Variants in ITGA2 observed in about 807,000 individuals in gnomAD.
The protein encoded by ITGA2 is integrin alpha-2.
A neutral mutation model predicts 146.3 loss-of-function variants in ITGA2; 101 were observed. The observed-to-expected ratio is 0.69, with a 90% CI of 0.59 to 0.81. ITGA2 has a LOEUF of 0.81. Among genes scored for constraint, ITGA2 ranks in the 40% least tolerant of loss-of-function variants. The pLI is 0.00. For synonymous variants in ITGA2, 477 were observed against 487.1 expected, an observed-to-expected ratio of 0.98 and a Z score of 0.27; for missense variants, 1,281 against 1,402.7, an observed-to-expected ratio of 0.91 and a Z score of 1.39.
intron 10 of ITGA2, 104 bp downstream of exon 10, chr5:53,058,205 C>T: frequency 1.2e-6 from 1 of 835,334 alleles, no homozygotes; most frequent in East Asian, 2.6e-5. Flanking sequence ...TAGGGATCAG[C>T]CCTTCTGATT....
intron 28 of ITGA2, among the ~76,000 whole-genome samples, chr5:53,087,371 C>T (rs1319717063): frequency 6.6e-6 from 1 of 152,168 alleles, no homozygotes; most frequent in East Asian, 1.9e-4. Flanking sequence ...GCCAGCAGCA[C>T]CAGTTCTTCC....
At chr5:53,057,055 A>C (rs1744672537) in intron 9 of ITGA2, among the ~76,000 whole-genome samples, 1 of 151,900 alleles carries the variant, frequency 6.6e-6, no homozygotes, top group Non-Finnish European at 1.5e-5. Context: ...ATGGTGCTTC[A>C]AAGTTGTTTA....
intron 1 of ITGA2, among the ~76,000 whole-genome samples, chr5:53,002,805 C>T (rs1741649186): frequency 6.6e-6 from 1 of 152,092 alleles, no homozygotes; most frequent in Admixed American, 6.6e-5. Flanking sequence ...TGGAATTTAC[C>T]AATTTCATCA....
At chr5:52,990,356 A>C (rs1274771954) in intron 1 of ITGA2, 1 of 152,330 alleles carries the variant, frequency 6.6e-6, no homozygotes. Context: ...GTTCTTTTAC[A>C]CTAAGAGGAG....
rs1180532950 is a variant in ITGA2 at position 53,094,489 on chromosome 5, GA to G, written c.*3891del. On this transcript the variant is annotated 3_prime_UTR_variant, in exon 30 of 30. Coordinates refer to ENST00000296585, the MANE Select transcript of ITGA2 (RefSeq NM_002203.4). ...TGGATATTTTCCTTTATACATAATAGATAAGTCTTTTTTCAAATGTGGTGTT... is the reference window on the plus strand; with the variant it reads ...TGGATATTTTCCTTTATACATAATAGTAAGTCTTTTTTCAAATGTGGTGTT... 3.9e-5 allele frequency: 6 copies of G among 152,014 alleles called. No individual in the cohort carries two copies. The highest frequency in any genetic ancestry group is 5.9e-5 in the Non-Finnish European group (4 of 67,952). 9.4% of individuals were successfully genotyped at this position (152,014 alleles called of 1,614,324 possible). A position where few individuals can be genotyped will look rare whatever the true frequency, so the allele number is the denominator to read the frequency against.
intron 1 of ITGA2, among the ~76,000 whole-genome samples, chr5:53,014,003 CAG>C (rs1742280609): frequency 6.6e-6 from 1 of 152,030 alleles, no homozygotes; most frequent in Non-Finnish European, 1.5e-5. Context: ...GAGCTTTGAG[CAG>C]AGACTATGGC....
chr5:53,050,315 T>C (rs1744291559), intron 6 of ITGA2, among the ~76,000 whole-genome samples: 1 of 152,160 alleles, frequency 6.6e-6, no homozygotes, highest in Non-Finnish European at 1.5e-5. Context: ...CCTACCACAT[T>C]TCTTTAAATC....
At position 53,090,788 on chromosome 5, in the gene ITGA2, G is replaced by A. The variant is rs1270590762; in HGVS notation, c.*189G>A. ...TGTGGGGGGTGGGGGAGGTGCGGGG[G>A]GCAGGTAGGGAAATAATAGGGAAAA... On this transcript the variant is annotated 3_prime_UTR_variant, in exon 30 of 30. Coordinates refer to ENST00000296585, the MANE Select transcript of ITGA2 (RefSeq NM_002203.4). 14 of 408,598 alleles carry A rather than the reference G, an allele frequency of 3.4e-5. No homozygotes were observed. The highest frequency in any genetic ancestry group is 7.6e-4 in the Middle Eastern group (1 of 1,312). The allele number at this position is 408,598 out of a possible 1,614,324, so 25.3% of individuals were successfully genotyped here.
intron 2 of ITGA2, among the ~76,000 whole-genome samples, chr5:53,040,500 G>T (rs1415728533): frequency 2.0e-5 from 3 of 152,128 alleles, no homozygotes; most frequent in Non-Finnish European, 4.4e-5. Flanking sequence ...TCATTAAAGT[G>T]GCTATTGGGA....
intron 1 of ITGA2, 64 bp downstream of exon 1, chr5:52,989,596 T>C: frequency 6.4e-7 from 1 of 1,564,176 alleles, no homozygotes. Context: ...TGGGGCTCGC[T>C]GGAGGGATTG....
Position 53,068,285 on chromosome 5 carries a change from C to T in ITGA2, c.2083+1028C>T, listed in dbSNP as rs573540536. On this transcript the variant is annotated intron_variant, in intron 16 of 29. Coordinates refer to ENST00000296585, the MANE Select transcript of ITGA2 (RefSeq NM_002203.4). The stretch of plus-strand genomic sequence containing the variant: ...TTTGGAAGTTTTCCATGCAGATGTT[C>T]AAAGATTGACCCAATTTTGAGTAGC... Among the ~76,000 whole-genome samples, 7 of 151,988 alleles carry T rather than the reference C, an allele frequency of 4.6e-5. No homozygotes were observed. The South Asian group carries it at 1.5e-3, about 31-fold the overall frequency.
At chr5:53,019,971 T>A (rs927366928) in intron 1 of ITGA2, among the ~76,000 whole-genome samples, 1 of 152,324 alleles carries the variant, frequency 6.6e-6, no homozygotes, top group South Asian at 2.1e-4. Flanking sequence ...TTATTATAGG[T>A]ATGTATATAT....
intron 26 of ITGA2, among the ~76,000 whole-genome samples, chr5:53,082,011 C>T (rs1479620966): frequency 1.3e-5 from 2 of 152,128 alleles, no homozygotes; most frequent in African/African-American, 2.4e-5. Flanking sequence ...TGTGTTTATG[C>T]GTTGTGCACT....
chr5:53,021,993 T>A (rs1419361550), intron 1 of ITGA2, among the ~76,000 whole-genome samples: 1 of 152,202 alleles, frequency 6.6e-6, no homozygotes, highest in East Asian at 1.9e-4. Context: ...TATATATAGA[T>A]ATGCTCAAAT....
At chr5:52,989,559 G>C in intron 1 of ITGA2, 27 bp downstream of exon 1, 1 of 1,613,528 alleles carries the variant, frequency 6.2e-7, no homozygotes, top group Non-Finnish European at 8.5e-7. Context: ...CTCTGCATCG[G>C]CTGCAGGAGG....
intron 1 of ITGA2, among the ~76,000 whole-genome samples, chr5:53,010,966 CAT>C (rs1232413813): frequency 6.6e-6 from 1 of 151,964 alleles, no homozygotes; most frequent in Non-Finnish European, 1.5e-5. Flanking sequence ...TGACCACAGA[CAT>C]AGAGATTGGA....
Position 53,079,755 on chromosome 5 carries a change from C to T in ITGA2, c.2929-756C>T, listed in dbSNP as rs573983421. Among the ~76,000 whole-genome samples the T allele has an allele frequency of 8.1e-4, 123 of 152,152 alleles. 1 individual carries two copies. Among genetic ancestry groups the T allele is most frequent in the African/African-American group, 2.7e-3 (111 of 41,516 alleles). On this transcript the variant is annotated intron_variant, in intron 24 of 29. Coordinates refer to ENST00000296585, the MANE Select transcript of ITGA2 (RefSeq NM_002203.4). ...TTTAATGGGGCATCTATTCAATTCG[C>T]GGTAATAACATTCATAGAGTGTGTA...
At chr5:53,007,322 A>AT (rs1304904796) in intron 1 of ITGA2, among the ~76,000 whole-genome samples, 1 of 152,154 alleles carries the variant, frequency 6.6e-6, no homozygotes, top group South Asian at 2.1e-4. Flanking sequence ...CCTAACCAAA[A>AT]TTTATAGAGA....
intron 2 of ITGA2, among the ~76,000 whole-genome samples, chr5:53,038,272 T>TC (rs1245662061): frequency 7.9e-5 from 12 of 151,852 alleles, no homozygotes; most frequent in African/African-American, 2.9e-4. Context: ...TCAGCAAGCC[T>TC]CTCTCGGGCT....
Sources: gnomAD v4.1 joint callset for allele counts (sites outside exome capture counted in the v4.1 genomes callset) on GRCh38, gnomAD v4.1.1 for gene constraint, MANE v1.5 for transcripts, NCBI Gene and HGNC (gene_info 2026-07-23, HGNC 2026-07-21) for gene names.